MAGI3: variants seen among roughly 807,000 people sequenced by gnomAD.
MAGI3 encodes the protein membrane-associated guanylate kinase, WW and PDZ domain-containing protein 3.
A neutral mutation model predicts 121.8 loss-of-function variants in MAGI3; 43 were observed. That is an observed-to-expected ratio of 0.35 (90% CI 0.28 to 0.46). MAGI3 has a LOEUF of 0.46. Among genes scored for constraint, MAGI3 ranks in the 20% least tolerant of loss-of-function variants. The pLI, the probability that MAGI3 is intolerant of heterozygous loss-of-function variation, is 1.00. For synonymous variants in MAGI3, 553 were observed against 639.3 expected (o/e 0.86, Z 2.04); for missense variants, 1,547 against 1,797.3 (o/e 0.86, Z 2.52).
intron 11 of MAGI3, 80 bp downstream of exon 11, chr1:113,643,854 C>T: frequency 1.5e-6 from 2 of 1,360,620 alleles, no homozygotes; most frequent in Non-Finnish European, 2.1e-6. Flanking sequence ...GAGGAGCTCA[C>T]TGTGGTGATG....
intron 9 of MAGI3, among the ~76,000 whole-genome samples, chr1:113,634,268 T>G (rs1651857005): frequency 1.3e-5 from 2 of 151,426 alleles, no homozygotes; most frequent in African/African-American, 4.8e-5. Context: ...ATTTTGGCTT[T>G]TGTTGCCATT....
rs375667440 is a variant in MAGI3, at chr1:113,642,254, G to C, written c.1704G>C (p.Ser568=). ...DASEQRVSMA[S]SGSSQPELVT... ...GTGAGCAGAGAGTATCCATGGCATC[G>C]TCAGGCAGCTCCCAGCCTGAACTAG... Residue 568 remains serine, a synonymous_variant, in exon 10 of 21, where the codon TCG becomes TCC. Transcript: ENST00000307546. The C allele has an allele frequency of 5.0e-6, 8 of 1,614,146 alleles. No individual in the cohort carries two copies. The highest frequency in any genetic ancestry group is 6.8e-6 in the Non-Finnish European group (8 of 1,180,032).
At chr1:113,570,391 T>C (rs1440486147) in intron 2 of MAGI3, among the ~76,000 whole-genome samples, 2 of 152,132 alleles carry the variant, frequency 1.3e-5, no homozygotes, top group Admixed American at 1.3e-4. Context: ...ATTTATAATC[T>C]TTTGAGTATA....
intron 1 of MAGI3, among the ~76,000 whole-genome samples, chr1:113,476,769 G>A (rs533725404): frequency 7.2e-5 from 11 of 152,130 alleles, no homozygotes; most frequent in Non-Finnish European, 1.6e-4. Flanking sequence ...TCAGGTCCTC[G>A]ATATCCTTGT....
At chr1:113,635,404 A>G (rs1210205603) in intron 9 of MAGI3, among the ~76,000 whole-genome samples, 1 of 152,182 alleles carries the variant, frequency 6.6e-6, no homozygotes, top group Non-Finnish European at 1.5e-5. Context: ...CGTCCCATCA[A>G]TACCTAATTT....
At chr1:113,612,116 G>T (rs1301514837) in intron 6 of MAGI3, among the ~76,000 whole-genome samples, 5 of 152,010 alleles carry the variant, frequency 3.3e-5, no homozygotes, top group African/African-American at 1.2e-4. Context: ...GATAATTTTT[G>T]TATTTTTAGT....
rs533970700 is a variant in MAGI3 at position 113,549,822 on chromosome 1, A to G, written c.433+191A>G. Among the ~76,000 whole-genome samples the G allele has an allele frequency of 5.9e-5, 9 of 152,302 alleles. No homozygotes were observed. In the South Asian group the frequency reaches 1.7e-3, roughly 28 times the overall value. ...GAGAGGTTTTGTTTTTAAAAGTAGA[A>G]AAATGGAAAAACTGGGCCGGGTGCA... On this transcript the variant is annotated intron_variant, in intron 2 of 20. Transcript: ENST00000307546.
chr1:113,410,929 A>G lies in MAGI3; in HGVS notation c.316+19580A>G, dbSNP rs571408126. 2.3e-4 allele frequency among the ~76,000 whole-genome samples: 35 copies of G among 152,246 alleles called. No homozygotes were observed. The South Asian group carries it at 3.9e-3, about 17-fold the overall frequency. ...ATAGGATAGCGTCCTTTTATTCTGT[A>G]TGTAAAAAAGTACTATATGTAAAAA... is the stretch of plus-strand genomic sequence containing the variant. On this transcript the variant is annotated intron_variant, in intron 1 of 20. Coordinates refer to ENST00000307546, the MANE Select transcript of MAGI3 (RefSeq NM_001142782.2).
At chr1:113,448,225 G>A (rs1027921837) in intron 1 of MAGI3, among the ~76,000 whole-genome samples, 6 of 152,158 alleles carry the variant, frequency 3.9e-5, no homozygotes, top group Admixed American at 6.5e-5. Flanking sequence ...ATGTGAGCAC[G>A]TACAGCTAAT....
chr1:113,653,823 AT>A lies in MAGI3; in HGVS notation c.2441-5del, dbSNP rs1256204608. ...AGACATATCAAAACTGATCATGTTT[AT>A]TACAGAAAAACAACCCGAGGACGAC... On this transcript the variant is annotated splice_polypyrimidine_tract_variant and splice_region_variant and intron_variant, in intron 14 of 20. Coordinates refer to ENST00000307546, the MANE Select transcript of MAGI3 (RefSeq NM_001142782.2). The A allele has an allele frequency of 6.3e-7, 1 of 1,588,332 alleles. No homozygotes were observed.
At chr1:113,654,400 G>C (rs1444209514) in intron 15 of MAGI3, among the ~76,000 whole-genome samples, 2 of 152,116 alleles carry the variant, frequency 1.3e-5, no homozygotes, top group African/African-American at 4.8e-5. Context: ...AGAAGCAATT[G>C]AGAAGAAGCA....
chr1:113,672,944 G>C (rs1455919774), intron 18 of MAGI3, among the ~76,000 whole-genome samples: 1 of 152,234 alleles, frequency 6.6e-6, no homozygotes, highest in Non-Finnish European at 1.5e-5. Flanking sequence ...CAGCAGGAGA[G>C]CTTTGAACCC....
At chr1:113,504,056 A>G (rs1247312134) in intron 1 of MAGI3, among the ~76,000 whole-genome samples, 2 of 152,066 alleles carry the variant, frequency 1.3e-5, no homozygotes, top group African/African-American at 2.4e-5. Flanking sequence ...AAAACTAGAA[A>G]AGAACCAGAT....
intron 1 of MAGI3, among the ~76,000 whole-genome samples, chr1:113,452,455 TAC>T (rs4026203): frequency 0.014 from 1,989 of 147,084 alleles, 21 homozygotes; most frequent in African/African-American, 0.024. Flanking sequence ...TGCATAGACA[TAC>T]ACACACACAC....
chr1:113,603,042 A>G (rs185889238), intron 6 of MAGI3, among the ~76,000 whole-genome samples: 27 of 152,266 alleles, frequency 1.8e-4, no homozygotes, highest in Admixed American at 1.5e-3. Flanking sequence ...AAGATATACA[A>G]AATTTATAGA....
At chr1:113,531,474 A>G (rs75666741) in intron 1 of MAGI3, among the ~76,000 whole-genome samples, 5,563 of 152,198 alleles carry the variant, frequency 0.037, 339 homozygotes, top group African/African-American at 0.13. Context: ...ATCCACTAGC[A>G]AAGTATGAGA....
chr1:113,655,630 A>C (rs1460310356), intron 15 of MAGI3, among the ~76,000 whole-genome samples: 2 of 152,142 alleles, frequency 1.3e-5, no homozygotes, highest in Non-Finnish European at 2.9e-5. Flanking sequence ...CTATGGAGAT[A>C]CTTCATCTCT....
chr1:113,460,666 G>A (rs568368200), intron 1 of MAGI3, among the ~76,000 whole-genome samples: 36 of 152,146 alleles, frequency 2.4e-4, no homozygotes, highest in South Asian at 4.2e-4. Context: ...AAAATTAGCC[G>A]GGCGTGGTGG....
chr1:113,675,730 C>T (rs996915498), intron 19 of MAGI3, among the ~76,000 whole-genome samples: 7 of 152,132 alleles, frequency 4.6e-5, no homozygotes, highest in African/African-American at 1.7e-4. Context: ...AGCCACAGAG[C>T]CAAAGCTGCA....
Sources: gnomAD v4.1 joint callset for allele counts (sites outside exome capture counted in the v4.1 genomes callset) on GRCh38, gnomAD v4.1.1 for gene constraint, MANE v1.5 for transcripts, NCBI Gene and HGNC (gene_info 2026-07-23, HGNC 2026-07-21) for gene names.